Variants in RANBP2 observed in about 807,000 individuals in gnomAD.
RANBP2 encodes the protein E3 SUMO-protein ligase RanBP2.
In RANBP2, 57 loss-of-function variants were observed where a neutral mutation model predicts 303.6. The ratio of observed to expected loss-of-function variants is 0.19; its 90% CI spans 0.15 to 0.23. The LOEUF (loss-of-function observed/expected upper bound fraction) is 0.23. Among genes scored for constraint, RANBP2 ranks in the 10% least tolerant of loss-of-function variants. The probability of loss-of-function intolerance (pLI) is 1.00; values close to 1 mark genes in which losing one functional copy is unlikely to be tolerated. For synonymous variants in RANBP2, 1,167 were observed against 1,301.5 expected, an observed-to-expected ratio of 0.90 and a Z score of 2.23; for missense variants, 3,138 against 3,780.8, an observed-to-expected ratio of 0.83 and a Z score of 4.46.
the RANBP2 span, among the ~76,000 whole-genome samples, chr2:109,657,198 C>T: frequency 6.6e-6 from 1 of 152,162 alleles, no homozygotes; most frequent in Non-Finnish European, 1.5e-5. Context: ...ATGCCAGACA[C>T]ACTTTGGGAG....
the RANBP2 span, among the ~76,000 whole-genome samples, chr2:109,248,973 C>G: frequency 1.3e-5 from 2 of 152,046 alleles, no homozygotes; most frequent in East Asian, 3.9e-4. Context: ...CCTCCAACTC[C>G]TGGGCCTAAG....
chr2:109,560,969 T>C, the RANBP2 span, among the ~76,000 whole-genome samples: 8 of 152,198 alleles, frequency 5.3e-5, no homozygotes, highest in African/African-American at 1.9e-4. Context: ...TGGCCTCTCC[T>C]AAGCATCTCT....
the RANBP2 span, among the ~76,000 whole-genome samples, chr2:108,863,756 T>C: frequency 1.3e-5 from 2 of 152,230 alleles, no homozygotes; most frequent in African/African-American, 2.4e-5. Flanking sequence ...TGGCATTCTT[T>C]CCCAGCACAA....
chr2:108,757,292 G>C (rs700865), intron 17 of RANBP2, among the ~76,000 whole-genome samples: 9 of 152,324 alleles, frequency 5.9e-5, no homozygotes, highest in Admixed American at 1.3e-4. Flanking sequence ...CAGCAGAGAT[G>C]AGGTAGCCAC....
the RANBP2 span, among the ~76,000 whole-genome samples, chr2:109,243,674 G>A: frequency 7.2e-5 from 11 of 152,182 alleles, no homozygotes; most frequent in Admixed American, 2.0e-4. Context: ...GGCCAGGGAG[G>A]CAAAGGTCGG....
At chr2:108,940,614 G>A in the RANBP2 span, among the ~76,000 whole-genome samples, 1 of 152,236 alleles carries the variant, frequency 6.6e-6, no homozygotes, top group Non-Finnish European at 1.5e-5. Flanking sequence ...CAGTGCCGTC[G>A]TCACACAATG....
the RANBP2 span, among the ~76,000 whole-genome samples, chr2:109,329,635 T>C: frequency 6.6e-6 from 1 of 152,218 alleles, no homozygotes; most frequent in South Asian, 2.1e-4. Context: ...GAGGACACTT[T>C]AGCAGAGAGA....
At chr2:108,929,415 T>G in the RANBP2 span, 1 of 1,608,632 alleles carries the variant, frequency 6.2e-7, no homozygotes, top group Admixed American at 1.7e-5. Flanking sequence ...CACAGGTGAG[T>G]GCAGCAGCCA....
At chr2:108,852,130 A>G in the RANBP2 span, among the ~76,000 whole-genome samples, 1 of 152,204 alleles carries the variant, frequency 6.6e-6, no homozygotes, top group African/African-American at 2.4e-5. Flanking sequence ...AATCCTCACA[A>G]CAGTTCATGA....
chr2:109,088,036 G>A, the RANBP2 span, among the ~76,000 whole-genome samples: 1 of 152,146 alleles, frequency 6.6e-6, no homozygotes, highest in African/African-American at 2.4e-5. Flanking sequence ...AGGCCAAGGC[G>A]GGCGGATCAT....
the RANBP2 span, chr2:108,923,556 A>G: frequency 6.6e-6 from 7 of 1,057,432 alleles, no homozygotes; most frequent in Admixed American, 1.8e-5. Flanking sequence ...GCCCACAATC[A>G]AGTCGGGCAT....
chr2:109,312,624 C>T, the RANBP2 span, among the ~76,000 whole-genome samples: 47,351 of 151,894 alleles, frequency 0.31, 9,133 homozygotes, highest in African/African-American at 0.55. Flanking sequence ...TGGAATCATC[C>T]GATACATGGC....
At chr2:109,381,913 A>C in the RANBP2 span, among the ~76,000 whole-genome samples, 1 of 152,122 alleles carries the variant, frequency 6.6e-6, no homozygotes, top group Non-Finnish European at 1.5e-5. Flanking sequence ...ACATGTACGT[A>C]ACACACATCT....
the RANBP2 span, among the ~76,000 whole-genome samples, chr2:109,149,995 A>G: frequency 6.6e-6 from 1 of 152,194 alleles, no homozygotes; most frequent in Admixed American, 6.5e-5. Context: ...ACCTCCCCAA[A>G]CACTGATGTC....
chr2:109,307,430 T>TA, the RANBP2 span, among the ~76,000 whole-genome samples: 13 of 132,290 alleles, frequency 9.8e-5, no homozygotes, highest in African/African-American at 3.9e-4. Context: ...ACTTTTTTTT[T>TA]TTATTATTAT....
In RANBP2 at chr2:108,751,919, C is replaced by T; in HGVS notation, c.1680C>T (p.Asn560=). 6.2e-7 allele frequency: 1 copy of T among 1,611,966 alleles called. No individual in the cohort carries two copies. The highest frequency in any genetic ancestry group is 8.5e-7 in the Non-Finnish European group (1 of 1,179,842). The change falls in exon 12 of 29, where the codon AAC becomes AAT. Residue 560 remains asparagine, a synonymous_variant. Transcript: ENST00000283195. ...GACTTCTAGTTCAGCATGAAATAAA[C>T]ACTCTAAGAGCCCAGGAAAAACATG... ...KLRLLVQHEI[N]TLRAQEKHGL...
the RANBP2 span, among the ~76,000 whole-genome samples, chr2:108,889,655 T>A: frequency 4.4e-4 from 67 of 152,284 alleles, no homozygotes; most frequent in Middle Eastern, 3.4e-3. Flanking sequence ...AATATGTACA[T>A]CACTTTACTT....
chr2:109,093,430 GAAAAAA>G, the RANBP2 span, among the ~76,000 whole-genome samples: 3 of 128,944 alleles, frequency 2.3e-5, no homozygotes, highest in African/African-American at 8.6e-5. Flanking sequence ...AAAAAAGAAA[GAAAAAA>G]AAAGAAAAAA....
chr2:108,926,699 G>A, the RANBP2 span, among the ~76,000 whole-genome samples: 1 of 152,186 alleles, frequency 6.6e-6, no homozygotes, highest in African/African-American at 2.4e-5. Flanking sequence ...GAAAGCCTCG[G>A]GTGCTGCTCA....
Sources: allele counts gnomAD v4.1 joint callset (sites outside exome capture counted in the v4.1 genomes callset), GRCh38; gene constraint gnomAD v4.1.1; transcripts MANE v1.5; gene names NCBI Gene and HGNC (gene_info 2026-07-23, HGNC 2026-07-21).